TLE1: variants seen among roughly 807,000 people sequenced by gnomAD.
The protein encoded by TLE1 is TLE family member 1, transcriptional corepressor.
A neutral mutation model predicts 89.8 loss-of-function variants in TLE1; 21 were observed. The observed-to-expected ratio is 0.23, with a 90% confidence interval of 0.17 to 0.34. TLE1 has a LOEUF of 0.34. Among genes scored for constraint, TLE1 ranks in the 10% least tolerant of loss-of-function variants. TLE1 has a pLI of 1.00. For synonymous variants in TLE1, 447 were observed against 407.6 expected (o/e 1.10, Z -1.16); for missense variants, 795 against 1,031.2 (o/e 0.77, Z 3.14).
intron 6 of TLE1, among the ~76,000 whole-genome samples, chr9:81,646,626 C>T (rs1383482909): frequency 1.3e-5 from 2 of 152,144 alleles, no homozygotes; most frequent in Non-Finnish European, 2.9e-5. Context: ...TAGCTGACAG[C>T]TATAGCCAAA....
chr9:81,669,615 C>A (rs1338307906), intron 4 of TLE1, among the ~76,000 whole-genome samples: 1 of 152,064 alleles, frequency 6.6e-6, no homozygotes, highest in African/African-American at 2.4e-5. Flanking sequence ...TCCACCCTCC[C>A]CCCCCACACC....
intron 6 of TLE1, among the ~76,000 whole-genome samples, chr9:81,645,265 G>A (rs903501640): frequency 2.6e-5 from 4 of 151,508 alleles, no homozygotes; most frequent in African/African-American, 9.7e-5. Context: ...AGGGGAGGCT[G>A]AGGCAGAAGA....
chr9:81,647,686 A>G (rs1310329864), intron 6 of TLE1, among the ~76,000 whole-genome samples: 2 of 152,168 alleles, frequency 1.3e-5, no homozygotes, highest in Non-Finnish European at 2.9e-5. Context: ...GTGGGAAGGT[A>G]GACGGTATTA....
intron 14 of TLE1, 122 bp downstream of exon 14, chr9:81,610,098 A>G (rs1406964352): frequency 1.2e-6 from 1 of 826,838 alleles, no homozygotes; most frequent in Non-Finnish European, 2.0e-6. Flanking sequence ...CTCCTCAGGA[A>G]AAGACACCAG....
At chr9:81,615,917 GAGTCCTCC>G (rs1434340355) in intron 11 of TLE1, 57 bp downstream of exon 11, 8 of 1,590,562 alleles carry the variant, frequency 5.0e-6, no homozygotes, top group Non-Finnish European at 6.8e-6. Context: ...CAATACTTCA[GAGTCCTCC>G]AGTCCACAAT....
At position 81,652,294 on chromosome 9, in the gene TLE1, A is replaced by T; in HGVS notation, c.298-6T>A. On this transcript the variant is annotated splice_polypyrimidine_tract_variant and splice_region_variant and intron_variant, in intron 5 of 19. Coordinates refer to ENST00000376499, the MANE Select transcript of TLE1 (RefSeq NM_005077.5). ...TGGGCCACCTGTTGTTGATGCTTTG[A>T]AAACAAGGAGAAGAAAGGGCATTAG... 6.2e-7 allele frequency: 1 copy of T among 1,613,006 alleles called. No individual in the cohort carries two copies. Among genetic ancestry groups the T allele is most frequent in the East Asian group, 2.2e-5 (1 of 44,852 alleles).
chr9:81,679,710 A>T (rs1213096044), intron 4 of TLE1, among the ~76,000 whole-genome samples: 1 of 152,162 alleles, frequency 6.6e-6, no homozygotes, highest in African/African-American at 2.4e-5. Flanking sequence ...CCTGTAGTAA[A>T]GGTACTAGTT....
intron 4 of TLE1, among the ~76,000 whole-genome samples, chr9:81,668,113 C>T (rs116996148): frequency 0.084 from 12,788 of 151,612 alleles, 755 homozygotes; most frequent in Non-Finnish European, 0.12. Flanking sequence ...CGCGATGAGC[C>T]GAGATCGCGC....
chr9:81,662,121 G>A (rs777670614), intron 4 of TLE1, among the ~76,000 whole-genome samples: 1 of 152,130 alleles, frequency 6.6e-6, no homozygotes, highest in Non-Finnish European at 1.5e-5. Flanking sequence ...GAAAAAAACA[G>A]GTAAAGATGT....
At chr9:81,622,949 C>T (rs934358375) in intron 8 of TLE1, among the ~76,000 whole-genome samples, 2 of 152,168 alleles carry the variant, frequency 1.3e-5, no homozygotes, top group African/African-American at 2.4e-5. Context: ...AAAAACAGAC[C>T]GCTTCCTTTT....
At chr9:81,633,286 A>G in intron 8 of TLE1, 62 bp downstream of exon 8, 6 of 1,532,686 alleles carry the variant, frequency 3.9e-6, no homozygotes, top group South Asian at 1.2e-5. Context: ...TCAGAAGGGG[A>G]CCGTGTGTGT....
intron 4 of TLE1, among the ~76,000 whole-genome samples, chr9:81,681,637 A>C (rs1833646260): frequency 6.6e-6 from 1 of 152,094 alleles, no homozygotes; most frequent in Admixed American, 6.6e-5. Context: ...ACACAGGCAC[A>C]AAGTGACTGA....
chr9:81,592,787 C>A (rs1462125683), intron 15 of TLE1, among the ~76,000 whole-genome samples: 1 of 152,082 alleles, frequency 6.6e-6, no homozygotes, highest in African/African-American at 2.4e-5. Flanking sequence ...CCTCTGTAAA[C>A]CACTGTAAAA....
intron 4 of TLE1, among the ~76,000 whole-genome samples, chr9:81,673,600 T>C (rs1172104566): frequency 2.0e-5 from 3 of 152,104 alleles, no homozygotes; most frequent in African/African-American, 4.8e-5. Context: ...AATTACCCTA[T>C]GGGGTAGGTG....
chr9:81,612,903 C>A (rs1383578539), intron 12 of TLE1, among the ~76,000 whole-genome samples: 2 of 152,100 alleles, frequency 1.3e-5, no homozygotes, highest in African/African-American at 4.8e-5. Flanking sequence ...ACTAAAAATA[C>A]AAAAATTAGC....
At chr9:81,659,630 GTCTT>G (rs1830533810) in intron 4 of TLE1, among the ~76,000 whole-genome samples, 1 of 152,156 alleles carries the variant, frequency 6.6e-6, no homozygotes. Flanking sequence ...GTCTACAACA[GTCTT>G]TCATTCTCCT....
intron 15 of TLE1, 76 bp from the exon 16 acceptor site, chr9:81,591,128 T>G: frequency 6.4e-7 from 1 of 1,551,616 alleles, no homozygotes; most frequent in East Asian, 2.3e-5. Context: ...ATGGCTGTCT[T>G]GGTTTTTTGA....
intron 8 of TLE1, among the ~76,000 whole-genome samples, chr9:81,630,747 C>G (rs1826481196): frequency 6.6e-6 from 1 of 152,174 alleles, no homozygotes; most frequent in African/African-American, 2.4e-5. Context: ...ATTCAAACCA[C>G]TTTATTAAAT....
chr9:81,673,379 C>T (rs1832490849), intron 4 of TLE1, among the ~76,000 whole-genome samples: 1 of 134,432 alleles, frequency 7.4e-6, no homozygotes, highest in South Asian at 2.5e-4. Context: ...AGAAATAAAA[C>T]ACGGTAATGG....
Sources: allele counts gnomAD v4.1 joint callset (sites outside exome capture counted in the v4.1 genomes callset), GRCh38; gene constraint gnomAD v4.1.1; transcripts MANE v1.5; gene names NCBI Gene and HGNC (gene_info 2026-07-23, HGNC 2026-07-21).